FHIT: variants seen among roughly 807,000 people sequenced by gnomAD.
FHIT encodes fragile histidine triad diadenosine triphosphatase, also known as bis(5'-adenosyl)-triphosphatase.
Under a neutral mutation model 17.9 loss-of-function variants are expected in FHIT, and 19 were observed. The ratio of observed to expected loss-of-function variants is 1.06; its 90% CI spans 0.74 to 1.56. The LOEUF (loss-of-function observed/expected upper bound fraction) is 1.56, where lower values mean the gene tolerates loss of function less well. FHIT is among the 40% of genes most tolerant of loss of function. The pLI, the probability that FHIT is intolerant of heterozygous loss-of-function variation, is 0.00. For synonymous variants in FHIT, 81 were observed against 69.7 expected, an observed-to-expected ratio of 1.16 and a Z score of -0.81; for missense variants, 248 against 189.2, an observed-to-expected ratio of 1.31 and a Z score of -1.82.
At chr3:60,495,728 GAAAA>G (rs1179611835) in intron 5 of FHIT, among the ~76,000 whole-genome samples, 1 of 151,964 alleles carries the variant, frequency 6.6e-6, no homozygotes, top group African/African-American at 2.4e-5. Flanking sequence ...TGACAAGACG[GAAAA>G]AAATCATTTG....
intron 3 of FHIT, among the ~76,000 whole-genome samples, chr3:61,030,941 T>C (rs2032982334): frequency 6.6e-6 from 1 of 151,870 alleles, no homozygotes; most frequent in African/African-American, 2.4e-5. Flanking sequence ...GCAAGTAAAA[T>C]GGTAGGAGAA....
chr3:60,240,375 A>T (rs1279821606), intron 5 of FHIT, among the ~76,000 whole-genome samples: 1 of 152,210 alleles, frequency 6.6e-6, no homozygotes, highest in Admixed American at 6.5e-5. Context: ...AAATAAACTG[A>T]TAACAAAACC....
At chr3:59,989,399 A>C (rs1709128467) in intron 7 of FHIT, among the ~76,000 whole-genome samples, 1 of 152,020 alleles carries the variant, frequency 6.6e-6, no homozygotes, top group Non-Finnish European at 1.5e-5. Flanking sequence ...CCCCAGCTTT[A>C]GTTCTACTTA....
chr3:60,155,492 T>C (rs534329434), intron 5 of FHIT, among the ~76,000 whole-genome samples: 2 of 152,172 alleles, frequency 1.3e-5, no homozygotes, highest in Non-Finnish European at 2.9e-5. Flanking sequence ...TCCCCAATTC[T>C]GACAATAACA....
chr3:60,582,612 G>A lies in FHIT; in HGVS notation c.-17-45633C>T, dbSNP rs564499721. Among the ~76,000 whole-genome samples the A allele has an allele frequency of 2.0e-5, 3 of 148,348 alleles. No homozygotes were observed. The South Asian group carries it at 6.9e-4, about 34-fold the overall frequency. On this transcript the variant is annotated intron_variant, in intron 4 of 9. Coordinates refer to ENST00000492590, the MANE Select transcript of FHIT (RefSeq NM_002012.4). ...CATTTCAAGACAATTTCTGGGAGAT[G>A]GAGTATTTGGGATAAAAAAAAATGT... is the stretch of plus-strand genomic sequence containing the variant.
chr3:59,856,871 A>ATT (rs61261831), intron 8 of FHIT, among the ~76,000 whole-genome samples: 1 of 148,292 alleles, frequency 6.7e-6, no homozygotes, highest in African/African-American at 2.5e-5. Context: ...CCGGCTGAGT[A>ATT]TTTTTTTTTT....
chr3:60,738,801 G>T (rs1226925678), intron 4 of FHIT, among the ~76,000 whole-genome samples: 33 of 152,182 alleles, frequency 2.2e-4, no homozygotes, highest in Admixed American at 2.2e-3. Context: ...GGTAGAAGAG[G>T]GAGGTTCCCT....
chr3:60,659,000 TACTC>T (rs2040180416), intron 4 of FHIT, among the ~76,000 whole-genome samples: 2 of 151,852 alleles, frequency 1.3e-5, no homozygotes, highest in South Asian at 4.2e-4. Flanking sequence ...CTTAATTTCT[TACTC>T]ACTTTTGAAG....
chr3:60,125,704 A>T (rs1346464477), intron 5 of FHIT, among the ~76,000 whole-genome samples: 1 of 151,916 alleles, frequency 6.6e-6, no homozygotes, highest in Non-Finnish European at 1.5e-5. Context: ...ATATATGTAC[A>T]CACACACGTA....
intron 5 of FHIT, among the ~76,000 whole-genome samples, chr3:60,201,165 C>A (rs1404767365): frequency 1.3e-5 from 2 of 152,060 alleles, no homozygotes; most frequent in Non-Finnish European, 2.9e-5. Context: ...CATTTAACCA[C>A]CACTATGTAT....
intron 2 of FHIT, among the ~76,000 whole-genome samples, chr3:61,121,688 G>A (rs114925762): frequency 0.091 from 13,897 of 152,078 alleles, 705 homozygotes; most frequent in South Asian, 0.2. Flanking sequence ...ATCAACTAAC[G>A]GGCAAAATAA....
intron 4 of FHIT, among the ~76,000 whole-genome samples, chr3:60,576,668 G>A (rs182835118): frequency 1.3e-5 from 2 of 152,234 alleles, no homozygotes; most frequent in Admixed American, 6.5e-5. Flanking sequence ...GTGAAAATGT[G>A]AAGATGTTAT....
chr3:61,094,145 T>TGTGTGTGC (rs56203316), intron 2 of FHIT, among the ~76,000 whole-genome samples: 5 of 152,092 alleles, frequency 3.3e-5, no homozygotes, highest in African/African-American at 1.2e-4. Context: ...TGTGTGTGTG[T>TGTGTGTGC]ATTTTTCTCT....
intron 5 of FHIT, among the ~76,000 whole-genome samples, chr3:60,113,452 T>C (rs947541574): frequency 1.3e-5 from 2 of 151,872 alleles, no homozygotes; most frequent in African/African-American, 4.9e-5. Context: ...CCATACACAG[T>C]GAATCTACTA....
intron 6 of FHIT, among the ~76,000 whole-genome samples, chr3:60,013,249 A>C (rs1346316408): frequency 6.6e-6 from 1 of 152,242 alleles, no homozygotes; most frequent in African/African-American, 2.4e-5. Flanking sequence ...CAGTTTAACT[A>C]ACAGGCTGAG....
intron 8 of FHIT, among the ~76,000 whole-genome samples, chr3:59,900,647 T>G (rs1297423865): frequency 6.6e-6 from 1 of 152,132 alleles, no homozygotes; most frequent in African/African-American, 2.4e-5. Context: ...GGAGTTTCAC[T>G]CTGTTGCCCA....
intron 1 of FHIT, among the ~76,000 whole-genome samples, chr3:61,248,843 G>T (rs1208383474): frequency 6.6e-6 from 1 of 152,070 alleles, no homozygotes; most frequent in Non-Finnish European, 1.5e-5. Flanking sequence ...TGCAGAAACG[G>T]GATACTTTTG....
At chr3:60,653,634 G>GA (rs542904194) in intron 4 of FHIT, among the ~76,000 whole-genome samples, 1 of 147,722 alleles carries the variant, frequency 6.8e-6, no homozygotes, top group African/African-American at 2.5e-5. Context: ...TAAAGTGGTA[G>GA]AAAAATGAAA....
intron 4 of FHIT, among the ~76,000 whole-genome samples, chr3:60,770,116 C>T (rs1416689282): frequency 1.3e-5 from 2 of 152,106 alleles, no homozygotes; most frequent in African/African-American, 2.4e-5. Flanking sequence ...CTGCTACTGC[C>T]GTGTGCCATG....
Sources: gnomAD v4.1 joint callset for allele counts (sites outside exome capture counted in the v4.1 genomes callset) on GRCh38, gnomAD v4.1.1 for gene constraint, MANE v1.5 for transcripts, NCBI Gene and HGNC (gene_info 2026-07-23, HGNC 2026-07-21) for gene names.